IPO4: variants seen among roughly 807,000 people sequenced by gnomAD.
IPO4 encodes the protein importin 4, also known as importin-4.
A neutral mutation model predicts 133.5 loss-of-function variants in IPO4; 91 were observed. That is an observed-to-expected ratio of 0.68 (90% CI 0.58 to 0.81). The LOEUF is 0.81. Ranked by LOEUF, IPO4 falls within the 30% of genes least tolerant of loss-of-function variation. IPO4 has a pLI of 0.00. For missense variants in IPO4, 1,279 were observed against 1,386.2 expected (o/e 0.92, Z 1.23); for synonymous variants, 607 against 581.6 (o/e 1.04, Z -0.63).
In IPO4 at chr14:24,184,641, C is replaced by G. The variant is rs1318859418; in HGVS notation, c.1636+9G>C. On this transcript the variant is annotated intron_variant, in intron 16 of 29. Transcript: ENST00000354464. ...CACTGGGAGCCCCACCTGGGAACCTCTCACTCACCCAGGCTCTGGATCTGC... is the reference window on the plus strand; with the variant it reads ...CACTGGGAGCCCCACCTGGGAACCTGTCACTCACCCAGGCTCTGGATCTGC... 1.1e-5 allele frequency: 18 copies of G among 1,573,092 alleles called. No individual in the cohort carries two copies. The highest frequency in any genetic ancestry group is 1.5e-5 in the Non-Finnish European group (17 of 1,157,722).
Position 24,184,013 on chromosome 14 carries a change from G to A in IPO4, c.1854C>T (p.Ser618=). 1 of 1,609,994 alleles carries A rather than the reference G, an allele frequency of 6.2e-7. No homozygotes were observed. Among genetic ancestry groups the A allele is most frequent in the Non-Finnish European group, 8.5e-7 (1 of 1,178,950 alleles). Residue 618 remains serine, a synonymous_variant, in exon 18 of 30, where the codon TCC becomes TCT. Coordinates refer to ENST00000354464, the MANE Select transcript of IPO4 (RefSeq NM_024658.4). ...CTTTGCTCACCACAATGCCCTCGGT[G>A]GAACGCAGTGACAGCAGCATGAGCG... ...ITTLMLLSLR[S]TEGIVPQYDG...
rs201833221 is a variant in IPO4, at chr14:24,184,880, G to C, written c.1509C>G (p.Ala503=). Residue 503 remains alanine (A), a synonymous_variant, in exon 15 of 30, where the codon GCC becomes GCG. Transcript: ENST00000354464. Reference sequence around the variant, plus strand: ...CTCTCTCCTCACCAATGGCTCCCAGGGCGCTCACAGCCAGCTCCTTGGCCC... The same window carrying C: ...CTCTCTCCTCACCAATGGCTCCCAGCGCGCTCACAGCCAGCTCCTTGGCCC... ...SPRAKELAVS[A]LGAIATAAQA... 1 of 1,614,004 alleles carries C rather than the reference G, an allele frequency of 6.2e-7. No individual in the cohort carries two copies. The highest frequency in any genetic ancestry group is 8.5e-7 in the Non-Finnish European group (1 of 1,179,954).
At chr14:24,182,445 A>G in intron 24 of IPO4, 42 bp from the exon 25 acceptor site, 3 of 1,590,096 alleles carry the variant, frequency 1.9e-6, no homozygotes, top group South Asian at 1.1e-5. Context: ...GGGCCAGCTC[A>G]GTGACTGTAC....
At chr14:24,185,149 C>G in intron 14 of IPO4, 34 bp downstream of exon 14, 1 of 1,613,026 alleles carries the variant, frequency 6.2e-7, no homozygotes, top group South Asian at 1.1e-5. Flanking sequence ...GCCGCCTCAT[C>G]CCCCTTCCCC....
In IPO4 at chr14:24,181,623, C is replaced by T; in HGVS notation, c.2941-6G>A. On this transcript the variant is annotated splice_region_variant and splice_polypyrimidine_tract_variant and intron_variant, in intron 27 of 29. Coordinates refer to ENST00000354464, the MANE Select transcript of IPO4 (RefSeq NM_024658.4). Reference sequence around the variant, plus strand: ...TGCAGTAGGGCAGCCAGCACCTGGGCACACAAATGTCTCAGGCCAACCTGC... The same window carrying T: ...TGCAGTAGGGCAGCCAGCACCTGGGTACACAAATGTCTCAGGCCAACCTGC... The T allele has an allele frequency of 6.2e-7, 1 of 1,614,062 alleles. No homozygotes were observed.
In IPO4 at chr14:24,180,541, C is replaced by A. The variant is rs779172878; in HGVS notation, c.3147G>T (p.Thr1049=). The part of the protein sequence containing the change: ...DTKAALLLLL[T]FLAKQHTDSF... ...TGTCGGTGTGCTGTTTGGCCAGGAACGTCAGGAGCAGCAACAGTGCGGCCT... is the reference window on the plus strand; with the variant it reads ...TGTCGGTGTGCTGTTTGGCCAGGAAAGTCAGGAGCAGCAACAGTGCGGCCT... The change falls in exon 30 of 30, where the codon ACG becomes ACT. Residue 1049 remains threonine, a synonymous_variant. Transcript: ENST00000354464. The A allele has an allele frequency of 6.2e-7, 1 of 1,613,942 alleles. No homozygotes were observed. The highest frequency in any genetic ancestry group is 8.5e-7 in the Non-Finnish European group (1 of 1,179,986).
Position 24,182,922 on chromosome 14 carries a change from T to C in IPO4, c.2421+54A>G, listed in dbSNP as rs2039163089. 4.3e-6 allele frequency: 7 copies of C among 1,612,788 alleles called. No individual in the cohort carries two copies. The East Asian group carries it at 1.6e-4, about 36-fold the overall frequency. The stretch of plus-strand genomic sequence containing the variant: ...GGGTAGGGGGTGGACTTGTAGCCAG[T>C]CCCCAACCGAGGCCCAGCACCTCTC... On this transcript the variant is annotated intron_variant, in intron 23 of 29. Transcript: ENST00000354464.
chr14:24,183,859 C>A lies in IPO4; in HGVS notation c.1909G>T (p.Asp637Tyr), dbSNP rs1385560315. 5 of 1,613,972 alleles carry A rather than the reference C, an allele frequency of 3.1e-6. No homozygotes were observed. The highest frequency in any genetic ancestry group is 1.3e-5 in the African/African-American group (1 of 74,922). The change falls in exon 19 of 30, where the codon GAT (aspartate) becomes TAT (tyrosine). Residue 637 changes from aspartate (D) to tyrosine (Y), a missense_variant. By Grantham distance (160) the Asp-to-Tyr change is radical (BLOSUM62 -3). Transcript: ENST00000354464. ...DGSSSFLLFD[D>Y]ESDGEEEEEL... ...TCCTCTTCTTCCCCATCACTCTCAT[C>A]GTCAAACAGAAGGAAGGAGCTGCTC...
At position 24,180,538 on chromosome 14, in the gene IPO4, G is replaced by C; in HGVS notation, c.3150C>G (p.Phe1050Leu). 1 of 1,614,162 alleles carries C rather than the reference G, an allele frequency of 6.2e-7. No individual in the cohort carries two copies. Among genetic ancestry groups the C allele is most frequent in the Non-Finnish European group, 8.5e-7 (1 of 1,180,008 alleles). ...TKAALLLLLTFLAKQHTDSFQ... is the reference protein window; with the variant it reads ...TKAALLLLLTLLAKQHTDSFQ... The stretch of plus-strand genomic sequence containing the variant: ...AGCTGTCGGTGTGCTGTTTGGCCAG[G>C]AACGTCAGGAGCAGCAACAGTGCGG... The change falls in exon 30 of 30, where the codon TTC (phenylalanine) becomes TTG (leucine). Residue 1050 changes from phenylalanine (F) to leucine (L), a missense_variant. By Grantham distance (22) the Phe-to-Leu change is conservative. Coordinates refer to ENST00000354464, the MANE Select transcript of IPO4 (RefSeq NM_024658.4).
chr14:24,184,479 G>A, intron 16 of IPO4, 61 bp from the exon 17 acceptor site: 2 of 1,562,838 alleles, frequency 1.3e-6, no homozygotes, highest in East Asian at 2.3e-5. Flanking sequence ...GACCAAAGGT[G>A]GTGGCTGGGA....
chr14:24,187,190 T>G (rs1211156691), intron 6 of IPO4, 40 bp from the exon 7 acceptor site: 1 of 1,599,936 alleles, frequency 6.3e-7, no homozygotes, highest in Admixed American at 1.7e-5. Context: ...CAGCCCAATC[T>G]CACACCCCAG....
In IPO4 at chr14:24,187,486, G is replaced by C. The variant is rs1176704959; in HGVS notation, c.502C>G (p.Leu168Val). Residue 168 changes from leucine (L) to valine (V), a missense_variant, in exon 6 of 30, where the codon CTT becomes GTT. By Grantham distance (32) the Leu-to-Val change is conservative. Coordinates refer to ENST00000354464, the MANE Select transcript of IPO4 (RefSeq NM_024658.4). The part of the protein sequence containing the change: ...RELLRLLNET[L>V]GEVGSPGLLF... ...AGCCCAGGAGAGCCCACCTCACCAA[G>C]AGTCTCATTCAGAAGCCGAAGAAGC... 1 of 1,614,184 alleles carries C rather than the reference G, an allele frequency of 6.2e-7. No homozygotes were observed. Among genetic ancestry groups the C allele is most frequent in the Non-Finnish European group, 8.5e-7 (1 of 1,180,036 alleles).
chr14:24,184,726 A>C lies in IPO4; in HGVS notation c.1560T>G (p.Pro520=), dbSNP rs2039193958. 1.2e-6 allele frequency: 2 copies of C among 1,613,180 alleles called. No individual in the cohort carries two copies. Among genetic ancestry groups the C allele is most frequent in the Non-Finnish European group, 1.7e-6 (2 of 1,179,652 alleles). The part of the protein sequence containing the change: ...AAQASLLPYF[P]AIMEHLREFL... ...ATTCCCGCAGGTGCTCCATGATGGC[A>C]GGGAAGTAGGGCAGCAGCGAGGCCT... is the stretch of plus-strand genomic sequence containing the variant. Residue 520 remains proline (P), a synonymous_variant, in exon 16 of 30, where the codon CCT becomes CCG. Transcript: ENST00000354464.
In IPO4 at chr14:24,187,780, T is replaced by G; in HGVS notation, c.295A>C (p.Ser99Arg). 1 of 1,614,184 alleles carries G rather than the reference T, an allele frequency of 6.2e-7. No homozygotes were observed. The highest frequency in any genetic ancestry group is 8.5e-7 in the Non-Finnish European group (1 of 1,180,030). ...ATGGTGGCTGAGAGCTGGGCCAGGC[T>G]GAGGCTCACACAGTGCCTGCAAACA... ...QRETEHCVSL[S>R]LAQLSATIFR... Residue 99 changes from serine (S) to arginine (R), a missense_variant, in exon 5 of 30, where the codon AGC becomes CGC. Ser to Arg is a moderately radical substitution (Grantham distance 110, BLOSUM62 -1). Coordinates refer to ENST00000354464, the MANE Select transcript of IPO4 (RefSeq NM_024658.4).
chr14:24,188,070 G>T, intron 4 of IPO4, 146 bp downstream of exon 4: 1 of 890,684 alleles, frequency 1.1e-6, no homozygotes, highest in Non-Finnish European at 1.7e-6. Context: ...AAGAACTTTA[G>T]TCTTCAAAAC....
chr14:24,182,658 G>A (rs944323987), intron 24 of IPO4, 134 bp downstream of exon 24: 15 of 1,082,386 alleles, frequency 1.4e-5, no homozygotes, highest in Non-Finnish European at 1.9e-5. Flanking sequence ...GATCAGGGTT[G>A]TATCCCTCTG....
intron 18 of IPO4, 24 bp from the exon 19 acceptor site, chr14:24,183,922 C>T: frequency 6.2e-7 from 1 of 1,613,894 alleles, no homozygotes; most frequent in East Asian, 2.2e-5. Flanking sequence ...ACGGCAAGGA[C>T]TTTGGCTCAG....
chr14:24,188,707 C>T lies in IPO4; in HGVS notation c.69+12G>A, dbSNP rs1176926584. On this transcript the variant is annotated intron_variant, in intron 1 of 29. Transcript: ENST00000354464. ...TCCCGCTCGCCCTGGCCCGGTTACGCCTGCTCCGTACCCGACGGATGCGCT... is the reference window on the plus strand; with the variant it reads ...TCCCGCTCGCCCTGGCCCGGTTACGTCTGCTCCGTACCCGACGGATGCGCT... 16 of 1,591,346 alleles carry T rather than the reference C, an allele frequency of 1.0e-5. No homozygotes were observed. The highest frequency in any genetic ancestry group is 1.3e-5 in the Non-Finnish European group (15 of 1,166,978).
chr14:24,184,295 C>T lies in IPO4; in HGVS notation c.1757+3G>A, dbSNP rs1269255486. On this transcript the variant is annotated splice_donor_region_variant and intron_variant, in intron 17 of 29. Coordinates refer to ENST00000354464, the MANE Select transcript of IPO4 (RefSeq NM_024658.4). Reference sequence around the variant, plus strand: ...GGCAGAGGCAGGGTGAGGGGTCACTCACGTGCAGCGCCGCAAGTCAGGGTC... The same window carrying T: ...GGCAGAGGCAGGGTGAGGGGTCACTTACGTGCAGCGCCGCAAGTCAGGGTC... 2 of 1,580,410 alleles carry T rather than the reference C, an allele frequency of 1.3e-6. No individual in the cohort carries two copies. The highest frequency in any genetic ancestry group is 1.7e-6 in the Non-Finnish European group (2 of 1,163,374).
Sources: gnomAD v4.1 joint callset for allele counts on GRCh38, gnomAD v4.1.1 for gene constraint, MANE v1.5 for transcripts, NCBI Gene and HGNC (gene_info 2026-07-23, HGNC 2026-07-21) for gene names.